The following ASAP1 variants were observed in gnomAD, a reference collection of about 807,000 sequenced individuals.
ASAP1 encodes arf-GAP with SH3 domain, ANK repeat and PH domain-containing protein 1.
A neutral mutation model predicts 145.2 loss-of-function variants in ASAP1; 43 were observed. The observed-to-expected ratio is 0.30, with a 90% CI of 0.23 to 0.38. ASAP1 has a LOEUF of 0.38. Ranked by LOEUF, ASAP1 falls within the 10% of genes least tolerant of loss-of-function variation. The pLI, the probability that ASAP1 is intolerant of heterozygous loss-of-function variation, is 1.00. For synonymous variants in ASAP1, 546 were observed against 515.5 expected, an observed-to-expected ratio of 1.06 and a Z score of -0.80; for missense variants, 1,018 against 1,355.3, an observed-to-expected ratio of 0.75 and a Z score of 3.91.
At chr8:130,246,183 C>CT in intron 3 of ASAP1, among the ~76,000 whole-genome samples, 1 of 151,954 alleles carries the variant, frequency 6.6e-6, no homozygotes, top group East Asian at 1.9e-4. Flanking sequence ...TCCCCTTCGC[C>CT]CCCCCATGGG....
intron 14 of ASAP1, 66 bp downstream of exon 14, chr8:130,136,885 G>A: frequency 7.4e-7 from 1 of 1,355,848 alleles, no homozygotes; most frequent in Non-Finnish European, 1.1e-6. Context: ...CTGCTGACCT[G>A]GAGAATGGAA....
At chr8:130,233,025 GA>G (rs1818002199) in intron 4 of ASAP1, among the ~76,000 whole-genome samples, 1 of 152,146 alleles carries the variant, frequency 6.6e-6, no homozygotes, top group Admixed American at 6.5e-5. Flanking sequence ...CATTTTTAAA[GA>G]ATTAAATGTC....
intron 5 of ASAP1, among the ~76,000 whole-genome samples, chr8:130,203,787 A>G (rs1018495665): frequency 6.6e-6 from 1 of 152,196 alleles, no homozygotes; most frequent in African/African-American, 2.4e-5. Flanking sequence ...GTACTTCCAG[A>G]TCTGGGCCTA....
rs754527590 is a variant in ASAP1, at chr8:130,058,072, T to C, written c.3197A>G (p.Lys1066Arg). Residue 1066 changes from lysine to arginine, a missense_variant, in exon 29 of 30, where the codon AAA becomes AGA. Physicochemically the swap from Lys to Arg is conservative, Grantham distance 26 (BLOSUM62 2). Transcript: ENST00000518721. ...GGTCTTCACTCGCCTCACTTTATTT[T>C]TCCCCTTAAAGAAAGAAACTGGGTT... ...VPLPRKINTGKNKVRRVKTIY... is the reference protein window; with the variant it reads ...VPLPRKINTGRNKVRRVKTIY... The C allele has an allele frequency of 1.2e-4, 198 of 1,613,086 alleles. No homozygotes were observed. Among genetic ancestry groups the C allele is most frequent in the Non-Finnish European group, 1.5e-4 (178 of 1,179,166 alleles).
At chr8:130,249,157 G>C (rs1392796495) in intron 3 of ASAP1, among the ~76,000 whole-genome samples, 1 of 152,072 alleles carries the variant, frequency 6.6e-6, no homozygotes, top group Non-Finnish European at 1.5e-5. Context: ...GCCTCTAGCA[G>C]TTCATCCTCC....
At chr8:130,079,334 G>T (rs2097473095) in intron 26 of ASAP1, among the ~76,000 whole-genome samples, 1 of 152,062 alleles carries the variant, frequency 6.6e-6, no homozygotes, top group African/African-American at 2.4e-5. Context: ...TTAGGGTAAG[G>T]CTGGATAAAA....
chr8:130,054,481 A>T lies in ASAP1; in HGVS notation c.*250T>A, dbSNP rs2097399295. 4.8e-6 allele frequency: 2 copies of T among 414,992 alleles called. No homozygotes were observed. The highest frequency in any genetic ancestry group is 2.5e-5 in the South Asian group (1 of 40,252). 25.7% of individuals were successfully genotyped at this position (414,992 alleles called of 1,614,324 possible). A position where few individuals can be genotyped will look rare whatever the true frequency, so the allele number is the denominator to read the frequency against. On this transcript the variant is annotated 3_prime_UTR_variant, in exon 30 of 30. Coordinates refer to ENST00000518721, the MANE Select transcript of ASAP1 (RefSeq NM_018482.4). ...TTTGCTTGTAGAACAGCATAGAGAGATGTAAGTGCTAGATGCCAAGGATGG... is the reference window on the plus strand; with the variant it reads ...TTTGCTTGTAGAACAGCATAGAGAGTTGTAAGTGCTAGATGCCAAGGATGG...
intron 3 of ASAP1, among the ~76,000 whole-genome samples, chr8:130,277,795 G>A (rs1391291495): frequency 6.6e-6 from 1 of 151,878 alleles, no homozygotes; most frequent in Non-Finnish European, 1.5e-5. Context: ...AAATGTCTTT[G>A]CCACTCATAT....
chr8:130,409,008 T>C (rs1829150996), intron 1 of ASAP1, among the ~76,000 whole-genome samples: 2 of 152,126 alleles, frequency 1.3e-5, no homozygotes, highest in Non-Finnish European at 2.9e-5. Flanking sequence ...ATGCTTGTAA[T>C]CCCAGCACTT....
At chr8:130,239,303 C>T (rs1044157531) in intron 3 of ASAP1, among the ~76,000 whole-genome samples, 2 of 152,018 alleles carry the variant, frequency 1.3e-5, no homozygotes, top group Admixed American at 1.3e-4. Context: ...TTGGTATAAA[C>T]CAGAAAGCAT....
At chr8:130,368,517 C>A (rs1827067414) in intron 2 of ASAP1, among the ~76,000 whole-genome samples, 1 of 152,224 alleles carries the variant, frequency 6.6e-6, no homozygotes, top group Admixed American at 6.5e-5. Flanking sequence ...ACTTTCCCAA[C>A]TAAAGGGCTG....
intron 3 of ASAP1, among the ~76,000 whole-genome samples, chr8:130,260,693 T>C (rs974862037): frequency 1.3e-5 from 2 of 151,988 alleles, no homozygotes; most frequent in Non-Finnish European, 2.9e-5. Context: ...TGGATGAGCC[T>C]CAAAAGCATG....
intron 2 of ASAP1, among the ~76,000 whole-genome samples, chr8:130,387,762 G>A (rs1828090818): frequency 6.6e-6 from 1 of 151,806 alleles, no homozygotes; most frequent in African/African-American, 2.4e-5. Flanking sequence ...AACAGGCCTA[G>A]AATTGGTATT....
intron 3 of ASAP1, among the ~76,000 whole-genome samples, chr8:130,252,435 A>C (rs115203563): frequency 0.027 from 4,036 of 152,282 alleles, 62 homozygotes; most frequent in Middle Eastern, 0.044. Context: ...AATCCTCTTA[A>C]CAGTGTCTTA....
chr8:130,091,061 T>C (rs576394687), intron 25 of ASAP1, among the ~76,000 whole-genome samples: 1 of 152,354 alleles, frequency 6.6e-6, no homozygotes, highest in Admixed American at 6.5e-5. Flanking sequence ...ATGGGAATTA[T>C]GTCCCTTGTA....
chr8:130,163,345 T>C (rs1425830186), intron 11 of ASAP1, among the ~76,000 whole-genome samples: 1 of 152,238 alleles, frequency 6.6e-6, no homozygotes. Context: ...ACGTTCCTTA[T>C]ATATTTATTA....
chr8:130,073,903 T>A (rs944773416), intron 27 of ASAP1, among the ~76,000 whole-genome samples: 1 of 152,082 alleles, frequency 6.6e-6, no homozygotes, highest in African/African-American at 2.4e-5. Flanking sequence ...TTCCAATTAA[T>A]AGGAAATATG....
At position 130,412,131 on chromosome 8, in the gene ASAP1, C is replaced by T. The variant is rs73427414; in HGVS notation, c.-27-10161G>A. Among the ~76,000 whole-genome samples the T allele has an allele frequency of 5.7e-3, 863 of 152,264 alleles. 8 individuals are homozygous for T. Among genetic ancestry groups the T allele is most frequent in the African/African-American group, 0.02 (837 of 41,540 alleles). On this transcript the variant is annotated intron_variant, in intron 1 of 29. Coordinates refer to ENST00000518721, the MANE Select transcript of ASAP1 (RefSeq NM_018482.4). ...CAGCTAGGAATGTCATCCCACTTTA[C>T]AGAGGAAACAACAGCCCTTACAGGA...
chr8:130,272,996 C>T (rs1310933683), intron 3 of ASAP1, among the ~76,000 whole-genome samples: 1 of 152,116 alleles, frequency 6.6e-6, no homozygotes, highest in Non-Finnish European at 1.5e-5. Context: ...GAAGAGAGGA[C>T]TAGAAATCTT....
Sources: gnomAD v4.1 joint callset for allele counts (sites outside exome capture counted in the v4.1 genomes callset) on GRCh38, gnomAD v4.1.1 for gene constraint, MANE v1.5 for transcripts, NCBI Gene and HGNC (gene_info 2026-07-23, HGNC 2026-07-21) for gene names.